Variants in PTPN21 observed in about 807,000 individuals in gnomAD.
PTPN21 encodes tyrosine-protein phosphatase non-receptor type 21.
A neutral mutation model predicts 131.8 loss-of-function variants in PTPN21; 77 were observed. The observed-to-expected ratio is 0.58, with a 90% CI of 0.49 to 0.71. The LOEUF is 0.71. Among genes scored for constraint, PTPN21 ranks in the 30% least tolerant of loss-of-function variants. The probability of loss-of-function intolerance (pLI) is 0.00; values close to 1 mark genes in which losing one functional copy is unlikely to be tolerated. For missense variants in PTPN21, 1,552 were observed against 1,527.1 expected, an observed-to-expected ratio of 1.02 and a Z score of -0.27; for synonymous variants, 715 against 621.3, an observed-to-expected ratio of 1.15 and a Z score of -2.24.
Position 88,550,457 on chromosome 14 carries a change from A to T in PTPN21, c.-40T>A. 1 of 1,583,806 alleles carries T rather than the reference A, an allele frequency of 6.3e-7. No homozygotes were observed. On this transcript the variant is annotated 5_prime_UTR_variant, in exon 2 of 19. Coordinates refer to ENST00000556564, the MANE Select transcript of PTPN21 (RefSeq NM_007039.4). Reference sequence around the variant, plus strand: ...AAGAATGGAGGAGCAAAGAGGGAAAAGCTACCCCCACCAACCCAGCGCTGG... The same window carrying T: ...AAGAATGGAGGAGCAAAGAGGGAAATGCTACCCCCACCAACCCAGCGCTGG...
At chr14:88,471,309 T>C (rs1595338757) in intron 15 of PTPN21, among the ~76,000 whole-genome samples, 2 of 152,296 alleles carry the variant, frequency 1.3e-5, no homozygotes, top group Middle Eastern at 3.4e-3. Context: ...AAATAAAGAA[T>C]TGAATGTGGC....
Position 88,479,085 on chromosome 14 carries a change from C to CT in PTPN21, c.2345dup (p.Ala783GlyfsTer71), listed in dbSNP as rs2077592919. On this transcript the variant is annotated frameshift_variant, in exon 13 of 19. Transcript: ENST00000556564. LOFTEE classifies it high-confidence loss of function. The stretch of plus-strand genomic sequence containing the variant: ...GCCCGTCTCTCCAGGGCCGCTGGGC[C>CT]TCTGCGGTCGTGCGGACGGGGCTGC... The CT allele has an allele frequency of 6.3e-7, 1 of 1,591,090 alleles. No individual in the cohort carries two copies. The highest frequency in any genetic ancestry group is 8.5e-7 in the Non-Finnish European group (1 of 1,169,996).
At chr14:88,501,939 C>T (rs1297042041) in intron 6 of PTPN21, among the ~76,000 whole-genome samples, 1 of 151,824 alleles carries the variant, frequency 6.6e-6, no homozygotes, top group Admixed American at 6.5e-5. Context: ...GAGCTATGAT[C>T]GCTCCACTGC....
In PTPN21 at chr14:88,469,092, G is replaced by A; in HGVS notation, c.3236-16C>T. ...TCAAGATATGCTGTGGAAAATCAAT[G>A]AAATAGAAAAGTACTCAAGGATCAA... On this transcript the variant is annotated splice_polypyrimidine_tract_variant and intron_variant, in intron 17 of 18. Transcript: ENST00000556564. The surrounding 1 kb of genome is among the most constrained non-coding windows in gnomAD (Gnocchi z 4.3). 1.2e-6 allele frequency: 2 copies of A among 1,601,592 alleles called. No individual in the cohort carries two copies. The highest frequency in any genetic ancestry group is 2.2e-5 in the South Asian group (2 of 90,262).
chr14:88,496,546 C>T (rs2077920504), intron 9 of PTPN21, 54 bp from the exon 10 acceptor site: 17 of 1,332,500 alleles, frequency 1.3e-5, no homozygotes, highest in East Asian at 9.2e-5. Context: ...CAACTTGATA[C>T]GTTTAATGCA....
chr14:88,483,459 G>A (rs2077683150), intron 12 of PTPN21, among the ~76,000 whole-genome samples: 2 of 151,808 alleles, frequency 1.3e-5, no homozygotes, highest in African/African-American at 2.4e-5. Context: ...GATGCTCTCA[G>A]GCTCTACACC....
intron 14 of PTPN21, among the ~76,000 whole-genome samples, chr14:88,473,032 A>G (rs1055042565): frequency 2.6e-5 from 4 of 152,192 alleles, no homozygotes; most frequent in Non-Finnish European, 4.4e-5. Context: ...TCTGTGGTCA[A>G]TTTTGTGACC....
intron 5 of PTPN21, 110 bp downstream of exon 5, chr14:88,505,194 A>G (rs2078069287): frequency 1.1e-6 from 1 of 900,956 alleles, no homozygotes; most frequent in Admixed American, 2.5e-5. Flanking sequence ...TTTTTTTTAT[A>G]ATCCTATTCC....
In PTPN21 at chr14:88,473,778, C is replaced by A. The variant is rs1212761359; in HGVS notation, c.2536G>T (p.Ala846Ser). 6.2e-7 allele frequency: 1 copy of A among 1,608,526 alleles called. No individual in the cohort carries two copies. The highest frequency in any genetic ancestry group is 1.1e-5 in the South Asian group (1 of 89,932). Residue 846 changes from alanine (A) to serine (S), a missense_variant, in exon 14 of 19, where the codon GCA becomes TCA. Transcript: ENST00000556564. Reference sequence around the variant, plus strand: ...AGTTTAAGAGGACCAATTTTTTTTGCATCTACTCGAGTCTTTTTCATTCCC... The same window carrying A: ...AGTTTAAGAGGACCAATTTTTTTTGAATCTACTCGAGTCTTTTTCATTCCC... The part of the protein sequence containing the change: ...LGGMKKTRVD[A>S]KKIGPLKLAA...
In PTPN21 at chr14:88,468,089, A is replaced by T; in HGVS notation, c.*48T>A. ...TGAGTTAGGCAAGCGCTTTTTTTTT[A>T]AGCTGTAAACGCTTCACATGACTGG... On this transcript the variant is annotated 3_prime_UTR_variant, in exon 19 of 19. Coordinates refer to ENST00000556564, the MANE Select transcript of PTPN21 (RefSeq NM_007039.4). 1 of 1,598,146 alleles carries T rather than the reference A, an allele frequency of 6.3e-7. No homozygotes were observed. Among genetic ancestry groups the T allele is most frequent in the Non-Finnish European group, 8.5e-7 (1 of 1,170,516 alleles).
At position 88,467,839 on chromosome 14, in the gene PTPN21, A is replaced by G. The variant is rs2077388549; in HGVS notation, c.*298T>C. On this transcript the variant is annotated 3_prime_UTR_variant, in exon 19 of 19. Coordinates refer to ENST00000556564, the MANE Select transcript of PTPN21 (RefSeq NM_007039.4). ...CAGCATAGCTTCAGTAAAATAGAGA[A>G]TTGTCTAGAAAATACAATCTCCAAA... The G allele has an allele frequency of 6.4e-6, 2 of 311,254 alleles. No individual in the cohort carries two copies. The highest frequency in any genetic ancestry group is 1.2e-5 in the Non-Finnish European group (2 of 169,356). The allele number at this position is 311,254 out of a possible 1,614,324, so 19.3% of individuals were successfully genotyped here. A position where few individuals can be genotyped will look rare whatever the true frequency, so the allele number is the denominator to read the frequency against.
chr14:88,479,444 C>T lies in PTPN21; in HGVS notation c.1987G>A (p.Glu663Lys). ...KERTLSASAA[E>K]VAPRAVSVGS... ...ACCGAGACGGCTCGCGGCGCCACCT[C>T]TGCCGCCGACGCGGATAGGGTGCGC... The change falls in exon 13 of 19, where the codon GAG becomes AAG. Residue 663 changes from glutamate to lysine, a missense_variant. Physicochemically the swap from Glu to Lys is moderately conservative, Grantham distance 56 (BLOSUM62 1). Around this residue, in one of 4 missense-constraint regions of PTPN21, gnomAD observed 1,016 missense variants for 883.5 expected, o/e 1.15. Coordinates refer to ENST00000556564, the MANE Select transcript of PTPN21 (RefSeq NM_007039.4). 1 of 1,601,914 alleles carries T rather than the reference C, an allele frequency of 6.2e-7. No homozygotes were observed. The highest frequency in any genetic ancestry group is 8.5e-7 in the Non-Finnish European group (1 of 1,178,506).
chr14:88,516,356 C>A (rs983646280), intron 3 of PTPN21, among the ~76,000 whole-genome samples: 1 of 151,922 alleles, frequency 6.6e-6, no homozygotes, highest in African/African-American at 2.4e-5. Context: ...CAGCATGTTT[C>A]GGGCCCTTGA....
At chr14:88,500,336 G>A (rs2140129657) in intron 8 of PTPN21, among the ~76,000 whole-genome samples, 1 of 152,252 alleles carries the variant, frequency 6.6e-6, no homozygotes, top group South Asian at 2.1e-4. Context: ...AAGCTGGGAT[G>A]GGAGGATCAC....
intron 1 of PTPN21, chr14:88,552,269 G>A (rs1257457552): frequency 6.6e-6 from 1 of 152,250 alleles, no homozygotes; most frequent in South Asian, 2.1e-4. Flanking sequence ...GGGGCACTTA[G>A]GGTTAGGGAA....
rs770820595 is a variant in PTPN21, at chr14:88,517,271, CAGA to C, written c.181-13_181-11del. ...GGCTGAAGTAAGTGACCTGGAAAGA[CAGA>C]AGGTCATTGAAGGAGGCAATAACAT... On this transcript the variant is annotated splice_polypyrimidine_tract_variant and intron_variant, in intron 2 of 18. Coordinates refer to ENST00000556564, the MANE Select transcript of PTPN21 (RefSeq NM_007039.4). The C allele has an allele frequency of 2.5e-6, 4 of 1,613,048 alleles. No homozygotes were observed. The highest frequency in any genetic ancestry group is 3.4e-6 in the Non-Finnish European group (4 of 1,179,106).
At position 88,479,508 on chromosome 14, in the gene PTPN21, G is replaced by A. The variant is rs1452580698; in HGVS notation, c.1923C>T (p.Ala641=). The A allele has an allele frequency of 4.4e-6, 7 of 1,600,934 alleles. No individual in the cohort carries two copies. Among genetic ancestry groups the A allele is most frequent in the East Asian group, 2.2e-5 (1 of 44,800 alleles). The part of the protein sequence containing the change: ...QLHKRNSIEV[A]GLSHGLEGLR... ...GGCCCTCCAGGCCGTGGCTGAGCCC[G>A]GCCACCTCGATGCTGTTCCGTTTGT... Residue 641 remains alanine (A), a synonymous_variant, in exon 13 of 19, where the codon GCC becomes GCT. Transcript: ENST00000556564.
intron 1 of PTPN21, among the ~76,000 whole-genome samples, chr14:88,554,430 G>C (rs1172632406): frequency 6.6e-6 from 1 of 152,218 alleles, no homozygotes; most frequent in African/African-American, 2.4e-5. Context: ...GTTCGGAATA[G>C]AAGTTCAAGA....
intron 10 of PTPN21, among the ~76,000 whole-genome samples, chr14:88,495,646 C>A (rs1467353050): frequency 6.6e-6 from 1 of 152,126 alleles, no homozygotes; most frequent in Non-Finnish European, 1.5e-5. Flanking sequence ...GGAGAAAAGG[C>A]CTCAGGACCA....
Sources: allele counts gnomAD v4.1 joint callset (sites outside exome capture counted in the v4.1 genomes callset), GRCh38; gene constraint gnomAD v4.1.1; regional missense constraint gnomAD v4.1.1; non-coding constraint Gnocchi (gnomAD v3.1); transcripts MANE v1.5; gene names NCBI Gene and HGNC (gene_info 2026-07-23, HGNC 2026-07-21).